ATG2B: variants seen among roughly 807,000 people sequenced by gnomAD.
The protein encoded by ATG2B is autophagy related 2B.
In ATG2B, 121 loss-of-function variants were observed where a neutral mutation model predicts 241.3. That is an observed-to-expected ratio of 0.50 (90% confidence interval 0.43 to 0.58). The LOEUF (loss-of-function observed/expected upper bound fraction) is 0.58. ATG2B is among the 20% of genes least tolerant of loss of function. ATG2B has a pLI of 0.00. For synonymous variants in ATG2B, 858 were observed against 876.6 expected (o/e 0.98, Z 0.37); for missense variants, 2,306 against 2,491.6 (o/e 0.93, Z 1.59).
Position 96,347,231 on chromosome 14 carries a change from A to G in ATG2B, c.273T>C (p.Cys91=), listed in dbSNP as rs756456234. ...TTTCTAATCCTCTCACTTCCAGTGC[A>G]CAATTATCCTGCAGTAAAGAGCCCC... ...VPWGSLLQDN[C]ALEVRGLEMV... The change falls in exon 2 of 42, where the codon TGT becomes TGC. Residue 91 remains cysteine, a synonymous_variant. Coordinates refer to ENST00000359933, the MANE Select transcript of ATG2B (RefSeq NM_018036.7). The G allele has an allele frequency of 1.4e-5, 23 of 1,609,934 alleles. No individual in the cohort carries two copies. Among genetic ancestry groups the G allele is most frequent in the Non-Finnish European group, 1.9e-5 (22 of 1,176,802 alleles).
Position 96,352,583 on chromosome 14 carries a change from G to A in ATG2B, c.163-5242C>T, listed in dbSNP as rs145574644. On this transcript the variant is annotated intron_variant, in intron 1 of 41. Coordinates refer to ENST00000359933, the MANE Select transcript of ATG2B (RefSeq NM_018036.7). ...GTAGGCCTAGGCTGTGTTTTTTTGC[G>A]TCTTAGTTTTTGACAAAAAAGTTTA... Among the ~76,000 whole-genome samples the A allele has an allele frequency of 3.1e-3, 473 of 150,474 alleles. 4 individuals are homozygous for A. In the East Asian group the frequency reaches 0.037, roughly 12 times the overall value.
chr14:96,291,834 T>TA (rs1886493741), intron 37 of ATG2B, 152 bp from the exon 38 acceptor site: 1 of 619,148 alleles, frequency 1.6e-6, no homozygotes, highest in East Asian at 2.9e-5. Context: ...TTACAATACA[T>TA]ATGACCCAAT....
intron 1 of ATG2B, among the ~76,000 whole-genome samples, chr14:96,355,296 T>G (rs1462850073): frequency 6.6e-6 from 1 of 152,230 alleles, no homozygotes; most frequent in Non-Finnish European, 1.5e-5. Flanking sequence ...TTAATTCATC[T>G]TGAGCTGATT....
At chr14:96,342,772 T>C (rs1357425344) in intron 5 of ATG2B, among the ~76,000 whole-genome samples, 20 of 151,814 alleles carry the variant, frequency 1.3e-4, no homozygotes, top group Admixed American at 1.3e-3. Context: ...TATTTACACT[T>C]GGGTCTCATC....
chr14:96,328,269 T>C (rs1887635591), intron 14 of ATG2B, 78 bp downstream of exon 14: 1 of 998,044 alleles, frequency 1.0e-6, no homozygotes, highest in Non-Finnish European at 1.4e-6. Context: ...TTAAAAATAC[T>C]TAAGTTCAGA....
chr14:96,302,993 C>G, intron 33 of ATG2B, 68 bp downstream of exon 33: 1 of 1,231,928 alleles, frequency 8.1e-7, no homozygotes, highest in Non-Finnish European at 1.1e-6. Context: ...TTTAACTCTC[C>G]TGAAGTTAGA....
At chr14:96,347,432 G>A in intron 1 of ATG2B, 91 bp from the exon 2 acceptor site, 2 of 958,294 alleles carry the variant, frequency 2.1e-6, no homozygotes, top group Non-Finnish European at 3.0e-6. Flanking sequence ...GCCCACACAT[G>A]TTAGGCACTA....
rs1467380915 is a variant in ATG2B, at chr14:96,284,317, C to T, written c.*1438G>A. On this transcript the variant is annotated 3_prime_UTR_variant, in exon 42 of 42. Coordinates refer to ENST00000359933, the MANE Select transcript of ATG2B (RefSeq NM_018036.7). ...AAGTTTTTTGGCAGTAAAAAGGAAA[C>T]TAAAATTAAAAGCTATATAACCCCA... is the stretch of plus-strand genomic sequence containing the variant. 6.6e-6 allele frequency: 1 copy of T among 152,110 alleles called. No homozygotes were observed. The highest frequency in any genetic ancestry group is 6.5e-5 in the Admixed American group (1 of 15,274). 9.4% of individuals were successfully genotyped at this position (152,110 alleles called of 1,614,324 possible).
chr14:96,336,409 A>G (rs1887869452), intron 6 of ATG2B, among the ~76,000 whole-genome samples: 1 of 152,218 alleles, frequency 6.6e-6, no homozygotes. Flanking sequence ...CATTACACAA[A>G]AATTACTCTA....
chr14:96,305,713 C>T lies in ATG2B; in HGVS notation c.4609G>A (p.Ala1537Thr). ...LPVNKTDTSK[A>T]PLHFPIPVIR... ...ACAGGAATGGGAAAGTGTAAGGGGGCTTTGCTCGTATCGGTCTTATTAACG... is the reference window on the plus strand; with the variant it reads ...ACAGGAATGGGAAAGTGTAAGGGGGTTTTGCTCGTATCGGTCTTATTAACG... The change falls in exon 31 of 42, where the codon GCC becomes ACC. Residue 1537 changes from alanine to threonine, a missense_variant. Ala to Thr is a moderately conservative substitution (Grantham distance 58). Around this residue, in one of 2 missense-constraint regions of ATG2B, gnomAD observed 1,927 missense variants for 2,011.2 expected, o/e 0.96. Coordinates refer to ENST00000359933, the MANE Select transcript of ATG2B (RefSeq NM_018036.7). 1 of 1,614,166 alleles carries T rather than the reference C, an allele frequency of 6.2e-7. No homozygotes were observed. Among genetic ancestry groups the T allele is most frequent in the Non-Finnish European group, 8.5e-7 (1 of 1,180,002 alleles).
At position 96,285,865 on chromosome 14, in the gene ATG2B, G is replaced by A. The variant is rs769021911; in HGVS notation, c.6127C>T (p.Leu2043=). Residue 2043 remains leucine (L), a synonymous_variant, in exon 42 of 42, where the codon CTG becomes TTG. Coordinates refer to ENST00000359933, the MANE Select transcript of ATG2B (RefSeq NM_018036.7). This position sits in a 1 kb window ranked among gnomAD's most constrained non-coding sequence, Gnocchi z 4.2. ...RQIPPAVVKP[L]IVATEATSNV... Reference sequence around the variant, plus strand: ...GACGTTGCTTCTGTGGCAACAATCAGAGGTTTCACCACTGCCGGAGGAATC... The same window carrying A: ...GACGTTGCTTCTGTGGCAACAATCAAAGGTTTCACCACTGCCGGAGGAATC... 1 of 1,614,116 alleles carries A rather than the reference G, an allele frequency of 6.2e-7. No homozygotes were observed.
intron 4 of ATG2B, among the ~76,000 whole-genome samples, chr14:96,344,152 C>G (rs1376633033): frequency 6.6e-6 from 1 of 152,188 alleles, no homozygotes; most frequent in African/African-American, 2.4e-5. Context: ...AAACTAAAAG[C>G]AACGTACTTA....
chr14:96,318,816 G>A (rs1002843197), intron 18 of ATG2B, among the ~76,000 whole-genome samples: 6 of 152,118 alleles, frequency 3.9e-5, no homozygotes, highest in East Asian at 1.9e-4. Context: ...TAAACCCATC[G>A]TAAGATCTGG....
intron 34 of ATG2B, among the ~76,000 whole-genome samples, chr14:96,297,147 A>G (rs1019918275): frequency 9.2e-5 from 14 of 152,102 alleles, no homozygotes; most frequent in African/African-American, 3.4e-4. Context: ...AATTCATATT[A>G]TACCAAATAT....
chr14:96,316,414 G>A, intron 21 of ATG2B, 119 bp downstream of exon 21: 2 of 984,994 alleles, frequency 2.0e-6, no homozygotes, highest in South Asian at 3.1e-5. Context: ...AGCAGAATGA[G>A]AGCCCTCCAC....
intron 26 of ATG2B, among the ~76,000 whole-genome samples, chr14:96,311,850 T>C (rs1029554155): frequency 9.9e-5 from 15 of 152,174 alleles, no homozygotes; most frequent in African/African-American, 3.6e-4. Flanking sequence ...AGTAATTTGA[T>C]GTACTTAACT....
Position 96,317,284 on chromosome 14 carries a change from T to C in ATG2B, c.3071A>G (p.Gln1024Arg), listed in dbSNP as rs779402909. 4 of 1,613,760 alleles carry C rather than the reference T, an allele frequency of 2.5e-6. 1 individual carries two copies. The highest frequency in any genetic ancestry group is 3.4e-6 in the Non-Finnish European group (4 of 1,179,802). ...EESGSEEETL[Q>R]YFSTVDPNYR... ...GTTGGGATCAACAGTGGAAAAATAC[T>C]GCAAAGTCTCCTCCTCAGATCCACT... Residue 1024 changes from glutamine to arginine, a missense_variant, in exon 20 of 42, where the codon CAG becomes CGG. Coordinates refer to ENST00000359933, the MANE Select transcript of ATG2B (RefSeq NM_018036.7).
At chr14:96,317,593 G>T in intron 19 of ATG2B, 105 bp downstream of exon 19, 1 of 1,033,182 alleles carries the variant, frequency 9.7e-7, no homozygotes, top group Non-Finnish European at 1.4e-6. Flanking sequence ...GCAAAATATA[G>T]TTACAATGAA....
intron 6 of ATG2B, among the ~76,000 whole-genome samples, chr14:96,337,652 C>T (rs1887901083): frequency 6.6e-6 from 1 of 152,104 alleles, no homozygotes; most frequent in Admixed American, 6.6e-5. Flanking sequence ...TATTTTTATA[C>T]CAGTACCATA....
Sources: gnomAD v4.1 joint callset for allele counts (sites outside exome capture counted in the v4.1 genomes callset) on GRCh38, gnomAD v4.1.1 for gene constraint, gnomAD v4.1.1 regional missense constraint, Gnocchi (gnomAD v3.1) non-coding constraint, MANE v1.5 for transcripts, NCBI Gene and HGNC (gene_info 2026-07-23, HGNC 2026-07-21) for gene names.